Variants in C6orf62 observed in about 807,000 individuals in gnomAD.
C6orf62 encodes chromosome 6 open reading frame 62.
A neutral mutation model predicts 26.8 loss-of-function variants in C6orf62; 16 were observed. The observed-to-expected ratio is 0.60, with a 90% CI of 0.40 to 0.91. The LOEUF is 0.91. Among genes scored for constraint, C6orf62 ranks in the 40% least tolerant of loss-of-function variants. The pLI is 0.00. For missense variants in C6orf62, 192 were observed against 271.4 expected, an observed-to-expected ratio of 0.71 and a Z score of 2.06; for synonymous variants, 112 against 91.5, an observed-to-expected ratio of 1.22 and a Z score of -1.28.
intron 3 of C6orf62, among the ~76,000 whole-genome samples, chr6:24,711,598 C>T (rs1779122371): frequency 6.6e-6 from 1 of 151,842 alleles, no homozygotes; most frequent in Admixed American, 6.6e-5. Context: ...AGTTCAAGAC[C>T]AGCCTGGGCA....
At chr6:24,706,365 A>G (rs911677420) in intron 4 of C6orf62, 103 bp from the exon 5 acceptor site, 1 of 1,478,534 alleles carries the variant, frequency 6.8e-7, no homozygotes, top group South Asian at 1.3e-5. Context: ...TAACATACAG[A>G]GTAAGGGACA....
chr6:24,710,149 T>C, intron 3 of C6orf62: 6 of 985,218 alleles, frequency 6.1e-6, no homozygotes, highest in Non-Finnish European at 7.2e-6. Context: ...GGAATAAGGT[T>C]ACTTCAGCCT....
intron 3 of C6orf62, chr6:24,709,370 CTT>C: frequency 1.0e-6 from 1 of 984,960 alleles, no homozygotes; most frequent in African/African-American, 1.7e-5. Flanking sequence ...AAGGACATCT[CTT>C]TTCTTTTGAT....
At chr6:24,709,095 A>G (rs567662050) in intron 3 of C6orf62, 184 bp from the exon 4 acceptor site, 2 of 984,634 alleles carry the variant, frequency 2.0e-6, no homozygotes, top group South Asian at 9.4e-5. Flanking sequence ...ATTAAAAGCA[A>G]TTTACAATTC....
At chr6:24,715,953 A>C (rs10946723) in intron 2 of C6orf62, among the ~76,000 whole-genome samples, 195 bp downstream of exon 2, 5,056 of 152,140 alleles carry the variant, frequency 0.033, 140 homozygotes, top group Middle Eastern at 0.12. Context: ...GGCGTAAAAA[A>C]ACGTGTTTTT....
chr6:24,710,563 C>T (rs956480869), intron 3 of C6orf62: 6 of 984,334 alleles, frequency 6.1e-6, no homozygotes, highest in Non-Finnish European at 3.6e-6. Context: ...CGCGCCCGGC[C>T]CAAATTGGGT....
At chr6:24,710,168 T>A in intron 3 of C6orf62, 3 of 935,980 alleles carry the variant, frequency 3.2e-6, no homozygotes, top group Non-Finnish European at 3.8e-6. Context: ...CTTAAGGGGC[T>A]TATTATACTG....
upstream of C6orf62, chr6:24,720,064 A>C: frequency 7.1e-7 from 1 of 1,412,430 alleles, no homozygotes; most frequent in Non-Finnish European, 9.1e-7. Flanking sequence ...GCTCTCTCTC[A>C]CGTTGAACAG....
Position 24,708,928 on chromosome 6 carries a change from A to G in C6orf62, c.430-17T>C. On this transcript the variant is annotated splice_polypyrimidine_tract_variant and intron_variant, in intron 3 of 4. Coordinates refer to ENST00000378119, the MANE Select transcript of C6orf62 (RefSeq NM_030939.5). ...AAATTTGGCCTAATTACAAAATACA[A>G]CATTTATATTAAACTACAAACAAGT... 6.2e-7 allele frequency: 1 copy of G among 1,613,918 alleles called. No homozygotes were observed. Among genetic ancestry groups the G allele is most frequent in the Non-Finnish European group, 8.5e-7 (1 of 1,179,864 alleles).
chr6:24,714,524 T>A, intron 2 of C6orf62, 84 bp from the exon 3 acceptor site: 2 of 990,352 alleles, frequency 2.0e-6, no homozygotes, highest in Non-Finnish European at 3.0e-6. Context: ...GGTTCCCCTA[T>A]AAAAACATTT....
chr6:24,720,262 C>T, upstream of C6orf62: 1 of 1,290,660 alleles, frequency 7.7e-7, no homozygotes, highest in Non-Finnish European at 9.8e-7. Context: ...AGCCTGCGGG[C>T]GGAGCGGTGG....
At chr6:24,708,755 G>A in intron 4 of C6orf62, 22 bp downstream of exon 4, 1 of 1,614,002 alleles carries the variant, frequency 6.2e-7, no homozygotes, top group South Asian at 1.1e-5. Context: ...GCCTGTAAGT[G>A]GTTTTCAAAA....
intron 3 of C6orf62, chr6:24,709,591 T>C (rs1460327326): frequency 2.0e-6 from 2 of 984,874 alleles, no homozygotes. Context: ...GAAATATAGT[T>C]TTGCTCCTCA....
At chr6:24,710,268 T>TC (rs1426735838) in intron 3 of C6orf62, 1 of 859,250 alleles carries the variant, frequency 1.2e-6, no homozygotes, top group East Asian at 1.2e-4. Flanking sequence ...AAACTCCAAT[T>TC]TTTTTTTTTT....
intron 3 of C6orf62, among the ~76,000 whole-genome samples, chr6:24,714,012 C>T (rs567845553): frequency 2.0e-5 from 3 of 152,328 alleles, no homozygotes; most frequent in South Asian, 2.1e-4. Flanking sequence ...GTGGTGAAGG[C>T]TTCAAGAGTT....
At chr6:24,714,547 A>T (rs1779187245) in intron 2 of C6orf62, 107 bp from the exon 3 acceptor site, 1 of 719,860 alleles carries the variant, frequency 1.4e-6, no homozygotes, top group Non-Finnish European at 2.3e-6. Context: ...TAAGTACAAA[A>T]GATCTACCAT....
At position 24,708,187 on chromosome 6, in the gene C6orf62, A is replaced by G. The variant is rs373837371; in HGVS notation, c.564+590T>C. 5.9e-4 allele frequency among the ~76,000 whole-genome samples: 89 copies of G among 151,690 alleles called. No individual in the cohort carries two copies. In the South Asian group the frequency reaches 0.017, roughly 29 times the overall value. ...TCTGGTAGACACGCTTTAGGGCAAT[A>G]GTTCTCACTACTGTTCACTAGAATC... On this transcript the variant is annotated intron_variant, in intron 4 of 4. Transcript: ENST00000378119.
At chr6:24,711,691 C>CAAAA (rs201736070) in intron 3 of C6orf62, among the ~76,000 whole-genome samples, 1 of 150,172 alleles carries the variant, frequency 6.7e-6, no homozygotes, top group Non-Finnish European at 1.5e-5. Flanking sequence ...AAACAAAAAA[C>CAAAA]AAAAAAAAGA....
At chr6:24,720,174 G>A (rs1352312636), upstream of C6orf62, 12 of 1,358,572 alleles carry the variant, frequency 8.8e-6, no homozygotes, top group East Asian at 2.9e-5. Context: ...GTGGGTGACG[G>A]GGAAATCCCC....
Sources: allele counts gnomAD v4.1 joint callset (sites outside exome capture counted in the v4.1 genomes callset), GRCh38; gene constraint gnomAD v4.1.1; transcripts MANE v1.5; gene names NCBI Gene and HGNC (gene_info 2026-07-23, HGNC 2026-07-21).